The following ZYG11A variants were observed in gnomAD, a reference collection of about 807,000 sequenced individuals.
ZYG11A encodes protein zyg-11 homolog A.
ZYG11A carries 62 observed loss-of-function variants against 77.2 expected under a neutral mutation model. The ratio of observed to expected loss-of-function variants is 0.80; its 90% CI spans 0.65 to 0.99. The LOEUF (loss-of-function observed/expected upper bound fraction) is 0.99, where lower values mean the gene tolerates loss of function less well. Among genes scored for constraint, ZYG11A ranks in the 50% least tolerant of loss-of-function variants. The pLI, the probability that ZYG11A is intolerant of heterozygous loss-of-function variation, is 0.00. For synonymous variants in ZYG11A, 315 were observed against 324.6 expected, an observed-to-expected ratio of 0.97 and a Z score of 0.32; for missense variants, 828 against 896.8, an observed-to-expected ratio of 0.92 and a Z score of 0.98.
intron 4 of ZYG11A, 33 bp downstream of exon 4, chr1:52,860,904 T>C: frequency 6.5e-7 from 1 of 1,540,192 alleles, no homozygotes; most frequent in African/African-American, 1.4e-5. Flanking sequence ...TACTATTACT[T>C]CTTAACTTGG....
chr1:52,870,000 CG>C (rs1646121717), intron 8 of ZYG11A, among the ~76,000 whole-genome samples: 2 of 146,860 alleles, frequency 1.4e-5, no homozygotes, highest in African/African-American at 5.0e-5. Flanking sequence ...GGGCGGCTGC[CG>C]GGTGGAGGGG....
intron 3 of ZYG11A, among the ~76,000 whole-genome samples, chr1:52,857,993 G>T (rs1645849855): frequency 6.6e-6 from 1 of 151,684 alleles, no homozygotes; most frequent in Non-Finnish European, 1.5e-5. Flanking sequence ...CTTCATGTTG[G>T]TCAGGCTGGT....
chr1:52,878,631 G>A (rs546302336), intron 10 of ZYG11A, among the ~76,000 whole-genome samples: 6 of 152,096 alleles, frequency 3.9e-5, no homozygotes, highest in South Asian at 2.1e-4. Flanking sequence ...CAGAAATGCC[G>A]TTTATCCTAA....
intron 2 of ZYG11A, among the ~76,000 whole-genome samples, chr1:52,855,756 G>A (rs1171024490): frequency 6.6e-6 from 1 of 152,098 alleles, no homozygotes; most frequent in Admixed American, 6.6e-5. Context: ...CCTTTTTATA[G>A]TCGCATATTC....
intron 2 of ZYG11A, among the ~76,000 whole-genome samples, chr1:52,856,660 C>T (rs565663246): frequency 6.6e-6 from 1 of 152,120 alleles, no homozygotes; most frequent in East Asian, 1.9e-4. Context: ...TTCTTCCTTT[C>T]TGTGAGCAAG....
At chr1:52,847,247 A>T (rs753457372) in intron 1 of ZYG11A, among the ~76,000 whole-genome samples, 1 of 152,106 alleles carries the variant, frequency 6.6e-6, no homozygotes, top group Non-Finnish European at 1.5e-5. Flanking sequence ...TTGTATTTTT[A>T]GTAGAGACAG....
At chr1:52,858,194 C>G (rs547549672) in intron 3 of ZYG11A, among the ~76,000 whole-genome samples, 1 of 148,574 alleles carries the variant, frequency 6.7e-6, no homozygotes, top group Admixed American at 6.7e-5. Flanking sequence ...GTCAGGAGTC[C>G]GAGACCAGCC....
intron 10 of ZYG11A, among the ~76,000 whole-genome samples, chr1:52,880,104 G>C (rs1646338692): frequency 2.2e-5 from 3 of 138,424 alleles, no homozygotes; most frequent in Admixed American, 1.5e-4. Flanking sequence ...TCCAGAATGT[G>C]AGGATTTACA....
chr1:52,864,228 C>G, intron 5 of ZYG11A, 71 bp downstream of exon 5: 1 of 1,428,394 alleles, frequency 7.0e-7, no homozygotes, highest in Non-Finnish European at 9.5e-7. Context: ...TTGCCCAGGC[C>G]AGAGTGCCGT....
chr1:52,892,452 C>T (rs1034111774), intron 13 of ZYG11A, among the ~76,000 whole-genome samples: 12 of 150,982 alleles, frequency 7.9e-5, no homozygotes, highest in Non-Finnish European at 1.3e-4. Context: ...TGCTTGAGCC[C>T]GGGAGGTGGA....
In ZYG11A at chr1:52,857,282, A is replaced by T; in HGVS notation, c.541A>T (p.Thr181Ser). ...AAGATTACTGTTCTTTAGTCAGCTC[A>T]CTGGTCTTCGCATTTTAAGTGTTTT... is the stretch of plus-strand genomic sequence containing the variant. ...NSRLLFFSQL[T>S]GLRILSVFNV... is the part of the protein sequence containing the mutation. Residue 181 changes from threonine (T) to serine (S), a missense_variant, in exon 3 of 14, where the codon ACT becomes TCT. Physicochemically the swap from Thr to Ser is moderately conservative, Grantham distance 58. Coordinates refer to ENST00000371528, the MANE Select transcript of ZYG11A (RefSeq NM_001004339.3). 1 of 1,552,140 alleles carries T rather than the reference A, an allele frequency of 6.4e-7. No individual in the cohort carries two copies. The highest frequency in any genetic ancestry group is 8.7e-7 in the Non-Finnish European group (1 of 1,147,122).
intron 1 of ZYG11A, among the ~76,000 whole-genome samples, chr1:52,846,635 G>C (rs376596632): frequency 6.6e-6 from 1 of 151,558 alleles, no homozygotes; most frequent in Non-Finnish European, 1.5e-5. Context: ...CATCGCGCCC[G>C]GCCAATTATG....
chr1:52,891,952 T>G lies in ZYG11A; in HGVS notation c.2105-830T>G, dbSNP rs1009922968. Among the ~76,000 whole-genome samples the G allele has an allele frequency of 9.2e-5, 14 of 151,708 alleles. 1 individual carries two copies. The highest frequency in any genetic ancestry group is 3.4e-4 in the African/African-American group (14 of 41,158). On this transcript the variant is annotated intron_variant, in intron 13 of 13. Transcript: ENST00000371528. The stretch of plus-strand genomic sequence containing the variant: ...TCTCGCTCTGTCGCCCAGGCTGGAG[T>G]GCAGTGGCGTGATCTCGGCTCACTG...
rs59951077 is a variant in ZYG11A at position 52,879,551 on chromosome 1, TAGGGAAGATTATTTATAATGTAATCA to T, written c.1749+1584_1749+1609del. 1.1e-3 allele frequency among the ~76,000 whole-genome samples: 163 copies of T among 152,196 alleles called. 1 individual carries two copies. Among genetic ancestry groups the T allele is most frequent in the African/African-American group, 3.5e-3 (147 of 41,534 alleles). ...AAGAAGGGACAAAGTCATTTTTGGC[TAGGGAAGATTATTTATAATGTAATCA>T]ATAAGTGTAATCATTGAGGAACACT... On this transcript the variant is annotated intron_variant, in intron 10 of 13. Coordinates refer to ENST00000371528, the MANE Select transcript of ZYG11A (RefSeq NM_001004339.3).
In ZYG11A at chr1:52,867,552, A is replaced by T; in HGVS notation, c.1405A>T (p.Lys469Ter). 9 of 1,551,836 alleles carry T rather than the reference A, an allele frequency of 5.8e-6. No homozygotes were observed. Among genetic ancestry groups the T allele is most frequent in the Non-Finnish European group, 7.8e-6 (9 of 1,146,694 alleles). The change falls in exon 7 of 14, where the codon AAG becomes TAG. Residue 469 changes from lysine to a stop codon, truncating the protein, a stop_gained. Transcript: ENST00000371528. LOFTEE classifies it high-confidence loss of function. ...ACTGCTTTTCAGGTTTGATGCTGCCAAGTTTGTCATGAGATGGCTCTGTAA... is the reference window on the plus strand; with the variant it reads ...ACTGCTTTTCAGGTTTGATGCTGCCTAGTTTGTCATGAGATGGCTCTGTAA... ...DVPFDRFDAA[K>*]FVMRWLCKHE...
At chr1:52,879,566 A>G (rs1455648857) in intron 10 of ZYG11A, among the ~76,000 whole-genome samples, 2 of 151,876 alleles carry the variant, frequency 1.3e-5, no homozygotes, top group African/African-American at 2.4e-5. Context: ...AAGATTATTT[A>G]TAATGTAATC....
chr1:52,882,489 C>T (rs995275451), intron 11 of ZYG11A, among the ~76,000 whole-genome samples: 4 of 152,250 alleles, frequency 2.6e-5, no homozygotes, highest in East Asian at 1.9e-4. Flanking sequence ...TGTTGGATTC[C>T]GTGTTTCCTG....
chr1:52,845,259 C>G (rs1645540772), intron 1 of ZYG11A, among the ~76,000 whole-genome samples: 1 of 149,900 alleles, frequency 6.7e-6, no homozygotes, highest in Non-Finnish European at 1.5e-5. Flanking sequence ...TAAATTGTGT[C>G]TCTTGTAAAC....
chr1:52,853,150 C>T (rs916184101), intron 1 of ZYG11A, among the ~76,000 whole-genome samples: 2 of 152,174 alleles, frequency 1.3e-5, no homozygotes, highest in African/African-American at 2.4e-5. Flanking sequence ...CCCTTGTGAT[C>T]GTGTGGCTGA....
Sources: gnomAD v4.1 joint callset for allele counts (sites outside exome capture counted in the v4.1 genomes callset) on GRCh38, gnomAD v4.1.1 for gene constraint, MANE v1.5 for transcripts, NCBI Gene and HGNC (gene_info 2026-07-23, HGNC 2026-07-21) for gene names.